Variants in PCLAF observed in about 807,000 individuals in gnomAD.
PCLAF encodes PCNA clamp associated factor, also known as PCNA-associated factor.
Under a neutral mutation model 15.1 loss-of-function variants are expected in PCLAF, and 12 were observed. That is an observed-to-expected ratio of 0.79 (90% CI 0.51 to 1.29). The LOEUF (loss-of-function observed/expected upper bound fraction) is 1.29. PCLAF is among the 50% of genes most tolerant of loss of function. PCLAF has a pLI of 0.00. For missense variants in PCLAF, 116 were observed against 130.9 expected (o/e 0.89, Z 0.56); for synonymous variants, 33 against 47.1 (o/e 0.70, Z 1.22).
chr15:64,370,014 T>C (rs1209449705), intron 3 of PCLAF, among the ~76,000 whole-genome samples: 2 of 152,132 alleles, frequency 1.3e-5, no homozygotes, highest in East Asian at 3.9e-4. Flanking sequence ...TATGGCCATA[T>C]GGGATACAGG....
At chr15:64,377,488 A>AAAAAAAAAAT (rs1555407636) in intron 2 of PCLAF, among the ~76,000 whole-genome samples, 6 of 29,320 alleles carry the variant, frequency 2.0e-4, no homozygotes, top group Admixed American at 1.2e-3. Flanking sequence ...AAAAAAAAAA[A>AAAAAAAAAAT]ATATATATAT....
chr15:64,387,119 A>C (rs1899959574), intron 1 of PCLAF, among the ~76,000 whole-genome samples: 5 of 152,038 alleles, frequency 3.3e-5, no homozygotes, highest in Admixed American at 3.3e-4. Flanking sequence ...TCAAAAAATA[A>C]AATAGAAGTT....
At chr15:64,375,780 A>G (rs1899584511) in intron 3 of PCLAF, among the ~76,000 whole-genome samples, 1 of 152,202 alleles carries the variant, frequency 6.6e-6, no homozygotes, top group South Asian at 2.1e-4. Context: ...CAACAAGGAA[A>G]TTGCCTTGTA....
intron 3 of PCLAF, among the ~76,000 whole-genome samples, chr15:64,374,313 G>A (rs766851043): frequency 4.7e-5 from 7 of 149,994 alleles, no homozygotes; most frequent in East Asian, 4.0e-4. Context: ...AGGCCGAGGC[G>A]GGCAGATCAT....
chr15:64,372,423 G>A (rs1423618366), intron 3 of PCLAF, among the ~76,000 whole-genome samples: 1 of 151,774 alleles, frequency 6.6e-6, no homozygotes, highest in Non-Finnish European at 1.5e-5. Context: ...GACCATCCTG[G>A]CTAACATGGT....
At chr15:64,385,527 A>T (rs1046692688), upstream of PCLAF, among the ~76,000 whole-genome samples, 3 of 152,118 alleles carry the variant, frequency 2.0e-5, no homozygotes, top group Non-Finnish European at 4.4e-5. Flanking sequence ...CGGGAAGCTA[A>T]GGCAGGAAAA....
chr15:64,377,747 G>GGT (rs1899668590), intron 2 of PCLAF, among the ~76,000 whole-genome samples: 1 of 30,072 alleles, frequency 3.3e-5, no homozygotes, highest in African/African-American at 1.0e-4. Context: ...AATTCCTGGT[G>GGT]TTTTTTTTTT....
intron 3 of PCLAF, among the ~76,000 whole-genome samples, chr15:64,372,702 A>T (rs748463394): frequency 3.0e-4 from 44 of 146,888 alleles, no homozygotes; most frequent in Non-Finnish European, 6.3e-4. Flanking sequence ...GGCCAGGCGC[A>T]GTGGCTCATG....
chr15:64,381,258 T>TC (rs895099515), intron 1 of PCLAF, 68 bp downstream of exon 1: 380 of 1,572,318 alleles, frequency 2.4e-4, no homozygotes, highest in Non-Finnish European at 2.5e-4. Flanking sequence ...ACCTCTGGCG[T>TC]CTGTCGCCCG....
intron 3 of PCLAF, among the ~76,000 whole-genome samples, chr15:64,370,443 C>G (rs1014662127): frequency 1.7e-4 from 26 of 151,028 alleles, no homozygotes; most frequent in Non-Finnish European, 1.5e-5. Flanking sequence ...TCTCGGCTCA[C>G]TGCAACCTCC....
upstream of PCLAF, chr15:64,382,857 C>T (rs553097904): frequency 3.3e-5 from 9 of 271,612 alleles, no homozygotes; most frequent in South Asian, 2.4e-4. Flanking sequence ...CTGGGAGTGG[C>T]GGCATGTGCC....
intron 3 of PCLAF, among the ~76,000 whole-genome samples, chr15:64,367,614 C>T (rs1316938199): frequency 1.3e-5 from 2 of 151,830 alleles, no homozygotes; most frequent in African/African-American, 4.8e-5. Context: ...GTGGTGCGAT[C>T]TCAGCTCACT....
chr15:64,378,598 G>T (rs1271062417), intron 2 of PCLAF, among the ~76,000 whole-genome samples: 3 of 152,094 alleles, frequency 2.0e-5, no homozygotes. Flanking sequence ...AACCTTACAG[G>T]AATGCTTTTA....
upstream of PCLAF, chr15:64,383,067 TA>T: frequency 6.4e-6 from 1 of 156,546 alleles, no homozygotes; most frequent in Non-Finnish European, 1.4e-5. Flanking sequence ...CTTGAAAGGC[TA>T]CTCTAGAAGT....
chr15:64,381,389 G>C lies in PCLAF; in HGVS notation c.-18C>G. 1 of 1,614,130 alleles carries C rather than the reference G, an allele frequency of 6.2e-7. No individual in the cohort carries two copies. Among genetic ancestry groups the C allele is most frequent in the Non-Finnish European group, 8.5e-7 (1 of 1,179,996 alleles). On this transcript the variant is annotated 5_prime_UTR_variant, in exon 1 of 4. Coordinates refer to ENST00000300035, the MANE Select transcript of PCLAF (RefSeq NM_014736.6). Reference sequence around the variant, plus strand: ...CGCACCATGTTCAAACAAGAAGAGAGGAGAGGAGAGAACGAACTGACTTCC... The same window carrying C: ...CGCACCATGTTCAAACAAGAAGAGACGAGAGGAGAGAACGAACTGACTTCC...
intron 3 of PCLAF, chr15:64,373,271 C>T (rs1359583441): frequency 6.4e-6 from 1 of 155,488 alleles, no homozygotes; most frequent in Non-Finnish European, 1.4e-5. Flanking sequence ...ATACGTGAAA[C>T]TCCAACAGAT....
At chr15:64,371,530 T>C (rs1274889142) in intron 3 of PCLAF, among the ~76,000 whole-genome samples, 1 of 152,208 alleles carries the variant, frequency 6.6e-6, no homozygotes. Flanking sequence ...CCTCCCAAAG[T>C]ACTGGGAGTA....
intron 2 of PCLAF, among the ~76,000 whole-genome samples, chr15:64,379,150 A>G (rs1899731170): frequency 6.6e-6 from 1 of 152,052 alleles, no homozygotes; most frequent in Non-Finnish European, 1.5e-5. Flanking sequence ...TGGTGATTCA[A>G]CAGTGGACCA....
intron 3 of PCLAF, among the ~76,000 whole-genome samples, chr15:64,369,398 TA>T (rs758245627): frequency 1.8e-4 from 24 of 130,952 alleles, no homozygotes; most frequent in East Asian, 4.6e-4. Context: ...ATCCTGTCTC[TA>T]AAAAAAAAAG....
Sources: gnomAD v4.1 joint callset for allele counts (sites outside exome capture counted in the v4.1 genomes callset) on GRCh38, gnomAD v4.1.1 for gene constraint, MANE v1.5 for transcripts, NCBI Gene and HGNC (gene_info 2026-07-23, HGNC 2026-07-21) for gene names.